NIPAL2: variants seen among roughly 807,000 people sequenced by gnomAD.
The protein encoded by NIPAL2 is NIPA like domain containing 2.
Under a neutral mutation model 48.9 loss-of-function variants are expected in NIPAL2, and 43 were observed. That is an observed-to-expected ratio of 0.88 (90% CI 0.69 to 1.13). The LOEUF (loss-of-function observed/expected upper bound fraction) is 1.13. Among genes scored for constraint, NIPAL2 ranks in the 50% most tolerant of loss-of-function variants. NIPAL2 has a pLI of 0.00. For synonymous variants in NIPAL2, 167 were observed against 174.6 expected, an observed-to-expected ratio of 0.96 and a Z score of 0.34; for missense variants, 446 against 461.4, an observed-to-expected ratio of 0.97 and a Z score of 0.31.
At chr8:98,195,495 T>C (rs1348774132) in intron 9 of NIPAL2, among the ~76,000 whole-genome samples, 1 of 152,200 alleles carries the variant, frequency 6.6e-6, no homozygotes, top group African/African-American at 2.4e-5. Context: ...TGCACACTCT[T>C]AACACAAGAA....
intron 1 of NIPAL2, among the ~76,000 whole-genome samples, chr8:98,282,007 C>T (rs544318127): frequency 6.6e-6 from 1 of 152,342 alleles, no homozygotes; most frequent in East Asian, 1.9e-4. Context: ...ACTTGAATCA[C>T]ATCTGCAAAG....
intron 3 of NIPAL2, among the ~76,000 whole-genome samples, chr8:98,245,100 C>A (rs1813240690): frequency 6.6e-6 from 1 of 152,084 alleles, no homozygotes; most frequent in Non-Finnish European, 1.5e-5. Context: ...ACAAACAGAA[C>A]CTCACATGTA....
intron 3 of NIPAL2, among the ~76,000 whole-genome samples, chr8:98,245,273 C>T (rs979026292): frequency 2.0e-5 from 3 of 152,174 alleles, no homozygotes; most frequent in Admixed American, 6.5e-5. Flanking sequence ...TATTGAGGTA[C>T]TACTACATAA....
intron 4 of NIPAL2, among the ~76,000 whole-genome samples, chr8:98,232,837 C>T (rs1812505040): frequency 6.6e-6 from 1 of 152,178 alleles, no homozygotes; most frequent in South Asian, 2.1e-4. Flanking sequence ...GTTACTTAAC[C>T]TTGCTAAGTA....
intron 8 of NIPAL2, 128 bp from the exon 9 acceptor site, chr8:98,196,133 C>T (rs998690726): frequency 3.8e-6 from 2 of 531,484 alleles, no homozygotes; most frequent in Non-Finnish European, 3.2e-6. Flanking sequence ...TTAAAATGCA[C>T]ATTCAGCAGT....
chr8:98,229,721 C>T (rs1812347842), intron 4 of NIPAL2, among the ~76,000 whole-genome samples: 2 of 152,070 alleles, frequency 1.3e-5, no homozygotes, highest in Admixed American at 1.3e-4. Flanking sequence ...TTATTGAGTT[C>T]ATAGACATGT....
intron 6 of NIPAL2, among the ~76,000 whole-genome samples, chr8:98,206,524 C>A (rs886333809): frequency 6.6e-6 from 1 of 152,036 alleles, no homozygotes; most frequent in Non-Finnish European, 1.5e-5. Flanking sequence ...CGGTGGCTCA[C>A]ACCTGTAATC....
At chr8:98,260,535 C>A (rs868441651) in intron 1 of NIPAL2, among the ~76,000 whole-genome samples, 2 of 152,172 alleles carry the variant, frequency 1.3e-5, no homozygotes, top group Admixed American at 6.5e-5. Context: ...CCTGGAAAAT[C>A]GGGTCACTCC....
intron 1 of NIPAL2, among the ~76,000 whole-genome samples, chr8:98,285,459 G>A (rs527980560): frequency 3.9e-5 from 6 of 152,272 alleles, no homozygotes; most frequent in Admixed American, 3.3e-4. Flanking sequence ...TAAAGCCCAT[G>A]TTTTTTCACT....
chr8:98,278,994 G>A (rs1276863326), intron 1 of NIPAL2, among the ~76,000 whole-genome samples: 2 of 152,054 alleles, frequency 1.3e-5, no homozygotes, highest in Non-Finnish European at 2.9e-5. Context: ...AAAAAAGCAA[G>A]AAACATATTG....
chr8:98,292,835 A>C (rs1391574514), intron 1 of NIPAL2, among the ~76,000 whole-genome samples: 1 of 152,112 alleles, frequency 6.6e-6, no homozygotes, highest in Non-Finnish European at 1.5e-5. Context: ...AGTTCCCATA[A>C]AAATGATGCT....
intron 3 of NIPAL2, 126 bp downstream of exon 3, chr8:98,252,337 T>G (rs1813633109): frequency 1.1e-6 from 1 of 875,536 alleles, no homozygotes; most frequent in Admixed American, 3.3e-5. Context: ...AATTGTTCCA[T>G]GTTAACGTGA....
Position 98,280,754 on chromosome 8 carries a change from A to ATG in NIPAL2, c.135+13248_135+13249insCA, listed in dbSNP as rs1255302840. On this transcript the variant is annotated intron_variant, in intron 1 of 10. Transcript: ENST00000430223. ...TCCATTACTATATATATATATATATATATATATAGAGAGAGAGAGAGAGAG... is the reference window on the plus strand; with the variant it reads ...TCCATTACTATATATATATATATATATGTATATATAGAGAGAGAGAGAGAGAG... Among the ~76,000 whole-genome samples the ATG allele has an allele frequency of 6.5e-5, 5 of 76,402 alleles. No homozygotes were observed. The Admixed American group carries it at 8.7e-4, about 13-fold the overall frequency. 50.1% of individuals were successfully genotyped at this position (76,402 alleles called of 152,430 possible).
intron 1 of NIPAL2, among the ~76,000 whole-genome samples, chr8:98,287,034 T>C (rs1816218083): frequency 6.6e-6 from 1 of 151,994 alleles, no homozygotes; most frequent in African/African-American, 2.4e-5. Context: ...TGTAAGTCTA[T>C]TGGAACATAG....
At chr8:98,262,963 G>A (rs1814452779) in intron 1 of NIPAL2, among the ~76,000 whole-genome samples, 1 of 149,094 alleles carries the variant, frequency 6.7e-6, no homozygotes, top group African/African-American at 2.5e-5. Context: ...TAGAACTCAG[G>A]ATTAAGAATC....
At chr8:98,218,348 C>T (rs752050838) in intron 5 of NIPAL2, among the ~76,000 whole-genome samples, 11 of 152,154 alleles carry the variant, frequency 7.2e-5, no homozygotes, top group Non-Finnish European at 1.3e-4. Context: ...GAGATTAGAA[C>T]TCCTTCTAGT....
chr8:98,248,541 T>C (rs1412711586), intron 3 of NIPAL2, among the ~76,000 whole-genome samples: 3 of 152,222 alleles, frequency 2.0e-5, no homozygotes, highest in East Asian at 1.9e-4. Flanking sequence ...ATCTGAGGCA[T>C]AAATTGGTTT....
At chr8:98,198,206 C>T (rs774664692) in intron 8 of NIPAL2, among the ~76,000 whole-genome samples, 4 of 152,152 alleles carry the variant, frequency 2.6e-5, no homozygotes, top group Non-Finnish European at 5.9e-5. Flanking sequence ...GGTTCATTGA[C>T]AATAAGCAGT....
chr8:98,289,933 C>T (rs539885753), intron 1 of NIPAL2, among the ~76,000 whole-genome samples: 1 of 152,264 alleles, frequency 6.6e-6, no homozygotes, highest in Middle Eastern at 3.4e-3. Context: ...TAATATAAAA[C>T]TCAGCATGAT....
Sources: allele counts gnomAD v4.1 joint callset (sites outside exome capture counted in the v4.1 genomes callset), GRCh38; gene constraint gnomAD v4.1.1; transcripts MANE v1.5; gene names NCBI Gene and HGNC (gene_info 2026-07-23, HGNC 2026-07-21).